VWA8: variants seen among roughly 807,000 people sequenced by gnomAD.
VWA8 encodes von Willebrand factor A domain containing 8.
In VWA8, 221 loss-of-function variants were observed where a neutral mutation model predicts 241.5. That is an observed-to-expected ratio of 0.91 (90% confidence interval 0.82 to 1.02). The LOEUF (loss-of-function observed/expected upper bound fraction) is 1.02, where lower values mean the gene tolerates loss of function less well. Ranked by LOEUF, VWA8 falls within the 50% of genes least tolerant of loss-of-function variation. The pLI is 0.00. For synonymous variants in VWA8, 852 were observed against 827.1 expected (o/e 1.03, Z -0.52); for missense variants, 2,322 against 2,328.7 (o/e 1.00, Z 0.06).
chr13:41,754,530 C>A (rs1272400661), intron 21 of VWA8, among the ~76,000 whole-genome samples: 1 of 152,040 alleles, frequency 6.6e-6, no homozygotes, highest in African/African-American at 2.4e-5. Context: ...TACAAGCATG[C>A]AATGCATAAT....
intron 12 of VWA8, among the ~76,000 whole-genome samples, chr13:41,846,331 T>A (rs1219475374): frequency 6.6e-6 from 1 of 152,150 alleles, no homozygotes; most frequent in African/African-American, 2.4e-5. Context: ...TCAACACCAC[T>A]CAAATCCCTG....
At chr13:41,872,132 C>T (rs892967859) in intron 9 of VWA8, among the ~76,000 whole-genome samples, 1 of 152,122 alleles carries the variant, frequency 6.6e-6, no homozygotes, top group Non-Finnish European at 1.5e-5. Context: ...TCATGTCCTT[C>T]ACCCACTTTT....
intron 26 of VWA8, among the ~76,000 whole-genome samples, chr13:41,711,079 G>A (rs1315203063): frequency 6.6e-6 from 1 of 152,164 alleles, no homozygotes; most frequent in East Asian, 1.9e-4. Flanking sequence ...GTACAATCCT[G>A]TAACACACAC....
rs199985064 is a variant in VWA8 at position 41,701,535 on chromosome 13, A to T, written c.3226-5T>A. The T allele has an allele frequency of 6.5e-7, 1 of 1,543,846 alleles. No individual in the cohort carries two copies. Among genetic ancestry groups the T allele is most frequent in the Non-Finnish European group, 8.7e-7 (1 of 1,150,664 alleles). On this transcript the variant is annotated splice_polypyrimidine_tract_variant and splice_region_variant and intron_variant, in intron 27 of 44. Transcript: ENST00000379310. ...TATATTTATAAGTGCTGGACCCTAT[A>T]ATAAAGCAGTTATCTCAGTTAAGAT... is the stretch of plus-strand genomic sequence containing the variant.
At chr13:41,595,109 GTTACATTTTCTGTGATA>G (rs2044479600) in intron 40 of VWA8, among the ~76,000 whole-genome samples, 1 of 152,182 alleles carries the variant, frequency 6.6e-6, no homozygotes, top group Non-Finnish European at 1.5e-5. Flanking sequence ...AAGGAAAGCT[GTTACATTTTCTGTGATA>G]TGTAATGCAA....
chr13:41,871,439 A>G (rs1226227877), intron 9 of VWA8, among the ~76,000 whole-genome samples: 4 of 152,002 alleles, frequency 2.6e-5, no homozygotes, highest in Non-Finnish European at 4.4e-5. Flanking sequence ...ATATCTCCCA[A>G]TGCTATCCCT....
intron 17 of VWA8, among the ~76,000 whole-genome samples, chr13:41,806,154 T>G (rs1870197472): frequency 6.6e-6 from 1 of 151,782 alleles, no homozygotes; most frequent in African/African-American, 2.4e-5. Context: ...AATGAAGAAA[T>G]TAAGAAGAAA....
chr13:41,737,229 A>T (rs1057121010), intron 21 of VWA8, among the ~76,000 whole-genome samples: 1 of 152,228 alleles, frequency 6.6e-6, no homozygotes, highest in Admixed American at 6.5e-5. Flanking sequence ...AGAGAAGTAA[A>T]TGCTGTCAAA....
rs1417761913 is a variant in VWA8 at position 41,568,010 on chromosome 13, G to A, written c.*187C>T. On this transcript the variant is annotated 3_prime_UTR_variant, in exon 45 of 45. Coordinates refer to ENST00000379310, the MANE Select transcript of VWA8 (RefSeq NM_015058.2). ...ACTCATCAGTGGAGTATCTTTCCATGTTTAAGTCTCCTTCTGGCTGCTTCT... is the reference window on the plus strand; with the variant it reads ...ACTCATCAGTGGAGTATCTTTCCATATTTAAGTCTCCTTCTGGCTGCTTCT... 1 of 579,316 alleles carries A rather than the reference G, an allele frequency of 1.7e-6. No individual in the cohort carries two copies. The highest frequency in any genetic ancestry group is 1.9e-5 in the African/African-American group (1 of 52,994). 35.9% of individuals were successfully genotyped at this position (579,316 alleles called of 1,614,324 possible). A position where few individuals can be genotyped will look rare whatever the true frequency, so the allele number is the denominator to read the frequency against.
At chr13:41,853,407 T>C (rs950955190) in intron 12 of VWA8, among the ~76,000 whole-genome samples, 1 of 152,172 alleles carries the variant, frequency 6.6e-6, no homozygotes, top group East Asian at 1.9e-4. Context: ...AGTCTGAAAG[T>C]ATTCCCTCTT....
chr13:41,571,293 C>T (rs1452765065), intron 43 of VWA8, among the ~76,000 whole-genome samples: 8 of 149,724 alleles, frequency 5.3e-5, no homozygotes, highest in Non-Finnish European at 1.0e-4. Flanking sequence ...GTCTCCCTCT[C>T]CCGTCTCCCT....
At chr13:41,811,371 GT>G in intron 16 of VWA8, 31 bp from the exon 17 acceptor site, 1 of 1,561,166 alleles carries the variant, frequency 6.4e-7, no homozygotes, top group South Asian at 1.1e-5. Flanking sequence ...TGTGTTAAGA[GT>G]CTTGTTTCAA....
rs148431181 is a variant in VWA8 at position 41,763,777 on chromosome 13, G to A, written c.2350-2573C>T. On this transcript the variant is annotated intron_variant, in intron 20 of 44. Coordinates refer to ENST00000379310, the MANE Select transcript of VWA8 (RefSeq NM_015058.2). ...AATGTCATGAAAATGTGCTATCAGG[G>A]AGTTCCTCCTCCCTTCCCACCTCTA... Among the ~76,000 whole-genome samples, 16 of 152,232 alleles carry A rather than the reference G, an allele frequency of 1.1e-4. No individual in the cohort carries two copies. The East Asian group carries it at 3.1e-3, about 29-fold the overall frequency.
At chr13:41,864,198 C>A (rs941426395) in intron 12 of VWA8, among the ~76,000 whole-genome samples, 1 of 150,924 alleles carries the variant, frequency 6.6e-6, no homozygotes. Flanking sequence ...ATAATTGGAA[C>A]CATTGTGCAT....
chr13:41,897,186 T>A (rs1048943884), intron 4 of VWA8, among the ~76,000 whole-genome samples: 16 of 151,938 alleles, frequency 1.1e-4, no homozygotes, highest in Non-Finnish European at 2.4e-4. Context: ...AGGACAAATA[T>A]TGAGAACATA....
At chr13:41,762,478 T>C (rs1305451806) in intron 20 of VWA8, among the ~76,000 whole-genome samples, 1 of 152,158 alleles carries the variant, frequency 6.6e-6, no homozygotes, top group Non-Finnish European at 1.5e-5. Context: ...TATATGATTC[T>C]GATGCTCATA....
intron 44 of VWA8, among the ~76,000 whole-genome samples, chr13:41,569,100 AATGAC>A (rs1236142778): frequency 6.6e-6 from 1 of 151,076 alleles, no homozygotes; most frequent in Non-Finnish European, 1.5e-5. Flanking sequence ...CTGGCTTTGG[AATGAC>A]ATTTAATAAA....
intron 13 of VWA8, among the ~76,000 whole-genome samples, chr13:41,832,501 A>C (rs1041575379): frequency 4.6e-5 from 7 of 152,196 alleles, no homozygotes; most frequent in African/African-American, 1.4e-4. Flanking sequence ...TCTAAAATCT[A>C]ATCAGGATTA....
chr13:41,666,510 C>G (rs1015875154), intron 37 of VWA8, among the ~76,000 whole-genome samples: 5 of 152,078 alleles, frequency 3.3e-5, no homozygotes, highest in African/African-American at 1.2e-4. Flanking sequence ...TAGAGCTAAA[C>G]TATATCAGCC....
Sources: allele counts gnomAD v4.1 joint callset (sites outside exome capture counted in the v4.1 genomes callset), GRCh38; gene constraint gnomAD v4.1.1; transcripts MANE v1.5; gene names NCBI Gene and HGNC (gene_info 2026-07-23, HGNC 2026-07-21).